The following CNTNAP5 variants were observed in gnomAD, a reference collection of about 807,000 sequenced individuals.
CNTNAP5 encodes the protein contactin associated protein family member 5.
CNTNAP5 carries 72 observed loss-of-function variants against 150.2 expected under a neutral mutation model. That is an observed-to-expected ratio of 0.48 (90% confidence interval 0.40 to 0.58). The LOEUF (loss-of-function observed/expected upper bound fraction) is 0.58, where lower values mean the gene tolerates loss of function less well. CNTNAP5 is among the 20% of genes least tolerant of loss of function. The pLI is 0.00. For missense variants in CNTNAP5, 1,636 were observed against 1,626.2 expected, an observed-to-expected ratio of 1.01 and a Z score of -0.10; for synonymous variants, 672 against 619.8, an observed-to-expected ratio of 1.08 and a Z score of -1.25.
intron 1 of CNTNAP5, among the ~76,000 whole-genome samples, chr2:124,071,804 A>G (rs895728394): frequency 2.0e-5 from 3 of 151,954 alleles, no homozygotes; most frequent in Non-Finnish European, 4.4e-5. Flanking sequence ...AAGAACTGAT[A>G]CCAAATCCTA....
intron 3 of CNTNAP5, among the ~76,000 whole-genome samples, chr2:124,363,825 A>G (rs1049649288): frequency 2.0e-5 from 3 of 152,218 alleles, no homozygotes; most frequent in Non-Finnish European, 2.9e-5. Flanking sequence ...ATTAAACTGT[A>G]AACATTAAAT....
intron 3 of CNTNAP5, among the ~76,000 whole-genome samples, chr2:124,307,436 A>G (rs1039555596): frequency 6.6e-6 from 1 of 152,178 alleles, no homozygotes; most frequent in Non-Finnish European, 1.5e-5. Flanking sequence ...ACTGTCTACA[A>G]CAAAGCTCTA....
chr2:124,345,832 TCTTG>T (rs1405225267), intron 3 of CNTNAP5, among the ~76,000 whole-genome samples: 1 of 152,140 alleles, frequency 6.6e-6, no homozygotes, highest in Non-Finnish European at 1.5e-5. Flanking sequence ...TTTCCCTCCC[TCTTG>T]CTTACATTTA....
chr2:124,054,524 C>A (rs1449600918), intron 1 of CNTNAP5, among the ~76,000 whole-genome samples: 2 of 151,976 alleles, frequency 1.3e-5, no homozygotes, highest in Non-Finnish European at 2.9e-5. Flanking sequence ...CTTCCAGCAG[C>A]CTGGTTGAAA....
intron 3 of CNTNAP5, among the ~76,000 whole-genome samples, chr2:124,408,289 C>T (rs1366022282): frequency 3.3e-5 from 5 of 152,032 alleles, no homozygotes; most frequent in East Asian, 1.9e-4. Flanking sequence ...AACTGCAAGG[C>T]CGCAGCGAGG....
At chr2:124,115,814 G>GTGTGTGTGTGTGTGTT (rs1683416305) in intron 1 of CNTNAP5, among the ~76,000 whole-genome samples, 1 of 151,300 alleles carries the variant, frequency 6.6e-6, no homozygotes, top group South Asian at 2.1e-4. Flanking sequence ...GTGTGTGTGT[G>GTGTGTGTGTGTGTGTT]TGTGTGTGTG....
chr2:124,669,508 TTCA>T (rs1678766046), intron 13 of CNTNAP5, among the ~76,000 whole-genome samples: 1 of 152,246 alleles, frequency 6.6e-6, no homozygotes, highest in Non-Finnish European at 1.5e-5. Context: ...CAGGGCTCTC[TTCA>T]TCATCTATGC....
chr2:124,436,995 T>A (rs1034839772), intron 5 of CNTNAP5, among the ~76,000 whole-genome samples: 2 of 152,158 alleles, frequency 1.3e-5, no homozygotes. Flanking sequence ...CACAGATTAG[T>A]ACTTTAGTCC....
At chr2:124,387,830 G>A (rs1289822922) in intron 3 of CNTNAP5, among the ~76,000 whole-genome samples, 1 of 152,178 alleles carries the variant, frequency 6.6e-6, no homozygotes, top group East Asian at 1.9e-4. Flanking sequence ...CACAAAGCAA[G>A]TAGAATGAGG....
At chr2:124,672,515 G>C (rs1431169252) in intron 13 of CNTNAP5, among the ~76,000 whole-genome samples, 1 of 152,188 alleles carries the variant, frequency 6.6e-6, no homozygotes, top group African/African-American at 2.4e-5. Flanking sequence ...TACCTTGACA[G>C]CATGTGCCTA....
intron 3 of CNTNAP5, among the ~76,000 whole-genome samples, chr2:124,270,319 A>G (rs537299248): frequency 6.6e-6 from 1 of 152,204 alleles, no homozygotes; most frequent in Admixed American, 6.5e-5. Flanking sequence ...AAAAAAAAAA[A>G]GGACTTTATG....
At chr2:124,597,725 A>G (rs1178964869) in intron 11 of CNTNAP5, among the ~76,000 whole-genome samples, 1 of 151,922 alleles carries the variant, frequency 6.6e-6, no homozygotes, top group Non-Finnish European at 1.5e-5. Context: ...CCTGGATAAT[A>G]TCCTGCAGAG....
chr2:124,110,061 A>G (rs977947169), intron 1 of CNTNAP5, among the ~76,000 whole-genome samples: 6 of 152,240 alleles, frequency 3.9e-5, no homozygotes, highest in Admixed American at 6.5e-5. Context: ...CTTAGGGATT[A>G]AAGGCATATC....
At chr2:124,103,074 T>C (rs939786988) in intron 1 of CNTNAP5, among the ~76,000 whole-genome samples, 1 of 152,150 alleles carries the variant, frequency 6.6e-6, no homozygotes, top group African/African-American at 2.4e-5. Context: ...TAATGACATC[T>C]TGATGATCCT....
chr2:124,593,635 A>C (rs1300141664), intron 11 of CNTNAP5, among the ~76,000 whole-genome samples: 11 of 21,764 alleles, frequency 5.1e-4, no homozygotes, highest in Admixed American at 1.4e-3. Context: ...ATTTATAGTC[A>C]TTTGGGTATA....
At chr2:124,168,834 A>T (rs1383845564) in intron 1 of CNTNAP5, among the ~76,000 whole-genome samples, 2 of 152,204 alleles carry the variant, frequency 1.3e-5, no homozygotes, top group African/African-American at 4.8e-5. Flanking sequence ...CTAAGCATTT[A>T]TATATTAATA....
chr2:124,739,971 A>G (rs1200135732), intron 13 of CNTNAP5, among the ~76,000 whole-genome samples: 4 of 152,086 alleles, frequency 2.6e-5, no homozygotes, highest in Non-Finnish European at 5.9e-5. Flanking sequence ...AAAGTTCATT[A>G]AAGTTTATAT....
In CNTNAP5 at chr2:124,791,945, G is replaced by A. The variant is rs78270589; in HGVS notation, c.2992+1804G>A. Among the ~76,000 whole-genome samples the A allele has an allele frequency of 3.9e-3, 593 of 151,882 alleles. 2 individuals are homozygous for A. Among genetic ancestry groups the A allele is most frequent in the Non-Finnish European group, 6.5e-3 (443 of 67,976 alleles). ...ATTATTTCCTCTATATTTAGTCCTC[G>A]CAATGTAAGTAAGATGGCCTTTTTA... On this transcript the variant is annotated intron_variant, in intron 18 of 23. Coordinates refer to ENST00000682447, the MANE Select transcript of CNTNAP5 (RefSeq NM_001367498.1).
chr2:124,588,956 C>A (rs1331352941), intron 11 of CNTNAP5, among the ~76,000 whole-genome samples: 1 of 152,032 alleles, frequency 6.6e-6, no homozygotes, highest in Non-Finnish European at 1.5e-5. Context: ...CAGTGTGTCC[C>A]GGGAGCCTGA....
Sources: allele counts gnomAD v4.1 joint callset (sites outside exome capture counted in the v4.1 genomes callset), GRCh38; gene constraint gnomAD v4.1.1; transcripts MANE v1.5; gene names NCBI Gene and HGNC (gene_info 2026-07-23, HGNC 2026-07-21).